PRKN: variants seen among roughly 807,000 people sequenced by gnomAD.
PRKN encodes parkin RBR E3 ubiquitin protein ligase, also known as E3 ubiquitin-protein ligase parkin.
In PRKN, 56 loss-of-function variants were observed where a neutral mutation model predicts 59.5. That is an observed-to-expected ratio of 0.94 (90% confidence interval 0.76 to 1.18). The LOEUF is 1.18. Among genes scored for constraint, PRKN ranks in the 50% most tolerant of loss-of-function variants. PRKN has a pLI of 0.00. For synonymous variants in PRKN, 250 were observed against 222.1 expected (o/e 1.13, Z -1.12); for missense variants, 657 against 596.4 (o/e 1.10, Z -1.06).
chr6:161,994,881 T>C (rs974229209), intron 5 of PRKN, among the ~76,000 whole-genome samples: 10 of 151,146 alleles, frequency 6.6e-5, no homozygotes, highest in African/African-American at 2.4e-4. Context: ...GACTGCTCAA[T>C]GCAATCCCTA....
At position 161,461,387 on chromosome 6, in the gene PRKN, G is replaced by C. The variant is rs1790215972; in HGVS notation, c.1084-74510C>G. ...AAGTAGATGGTCTTAAGGAGCTGAG[G>C]TTTTTAAGCTCTAGGGAATCACTTT... On this transcript the variant is annotated intron_variant, in intron 9 of 11. Coordinates refer to ENST00000366898, the MANE Select transcript of PRKN (RefSeq NM_004562.3). The surrounding 1 kb of genome is among the most constrained non-coding windows in gnomAD (Gnocchi z 5.1). 6.6e-6 allele frequency among the ~76,000 whole-genome samples: 1 copy of C among 152,150 alleles called. No individual in the cohort carries two copies. Among genetic ancestry groups the C allele is most frequent in the East Asian group, 1.9e-4 (1 of 5,186 alleles).
At chr6:161,813,067 G>T (rs1473730902) in intron 6 of PRKN, among the ~76,000 whole-genome samples, 1 of 152,196 alleles carries the variant, frequency 6.6e-6, no homozygotes, top group Non-Finnish European at 1.5e-5. Context: ...TTATTCAAAA[G>T]ATAAATCAGA....
At chr6:162,687,560 T>C (rs1203343037) in intron 1 of PRKN, among the ~76,000 whole-genome samples, 1 of 152,154 alleles carries the variant, frequency 6.6e-6, no homozygotes, top group Non-Finnish European at 1.5e-5. Flanking sequence ...TAAATGGCCA[T>C]GCTTCTTCTT....
At chr6:162,517,980 G>T (rs1777935345) in intron 1 of PRKN, among the ~76,000 whole-genome samples, 1 of 152,168 alleles carries the variant, frequency 6.6e-6, no homozygotes, top group African/African-American at 2.4e-5. Flanking sequence ...GATGCTATAA[G>T]TGAATACAAT....
At chr6:162,696,194 C>G (rs1276253350) in intron 1 of PRKN, among the ~76,000 whole-genome samples, 1 of 152,092 alleles carries the variant, frequency 6.6e-6, no homozygotes, top group African/African-American at 2.4e-5. Flanking sequence ...GCAATGATTT[C>G]TAAGTATCAT....
At chr6:161,759,419 CA>C (rs1219051924) in intron 7 of PRKN, among the ~76,000 whole-genome samples, 10 of 151,832 alleles carry the variant, frequency 6.6e-5, no homozygotes, top group African/African-American at 2.4e-5. Flanking sequence ...CAGAAAGTAC[CA>C]AAAAGCCATT....
At chr6:162,237,148 G>A (rs1375859446) in intron 3 of PRKN, among the ~76,000 whole-genome samples, 5 of 151,990 alleles carry the variant, frequency 3.3e-5, no homozygotes, top group Admixed American at 6.6e-5. Flanking sequence ...TGCTTTTTAC[G>A]AGGTTAGAAT....
rs569203018 is a variant in PRKN at position 162,034,322 on chromosome 6, T to C, written c.618+19769A>G. Among the ~76,000 whole-genome samples the C allele has an allele frequency of 1.8e-4, 27 of 152,184 alleles. No homozygotes were observed. In the South Asian group the frequency reaches 2.5e-3, roughly 14 times the overall value. ...TGGAAGATGCTATTATTATTCCCTA[T>C]GTTAAAAGTGCAGAAACTGTTTTCA... On this transcript the variant is annotated intron_variant, in intron 5 of 11. Transcript: ENST00000366898.
chr6:162,489,782 G>A lies in PRKN; in HGVS notation c.8-46309C>T, dbSNP rs549890728. On this transcript the variant is annotated intron_variant, in intron 1 of 11. Coordinates refer to ENST00000366898, the MANE Select transcript of PRKN (RefSeq NM_004562.3). ...ACAGTCCCTGAAGGATGTGCTGTCC[G>A]TGCACTCACAAACACCCCACTCTGG... Among the ~76,000 whole-genome samples, 10 of 152,186 alleles carry A rather than the reference G, an allele frequency of 6.6e-5. No homozygotes were observed. The South Asian group carries it at 1.0e-3, about 16-fold the overall frequency.
chr6:162,124,759 G>A (rs1479273665), intron 4 of PRKN, among the ~76,000 whole-genome samples: 3 of 152,160 alleles, frequency 2.0e-5, no homozygotes, highest in African/African-American at 7.2e-5. Context: ...CACTCTGAGG[G>A]AGTATAAGAC....
At chr6:162,414,726 A>AAAAAAAAAAAAAAAAAAGT (rs34838356) in intron 2 of PRKN, among the ~76,000 whole-genome samples, 6,153 of 90,638 alleles carry the variant, frequency 0.068, 1,273 homozygotes, top group Non-Finnish European at 0.088. Flanking sequence ...AAAAAAAAAA[A>AAAAAAAAAAAAAAAAAAGT]AGTGAATCTT....
intron 4 of PRKN, among the ~76,000 whole-genome samples, chr6:162,135,814 A>T (rs2128309194): frequency 6.6e-6 from 1 of 152,304 alleles, no homozygotes; most frequent in East Asian, 1.9e-4. Flanking sequence ...ATCATTTCTG[A>T]TCACAAAAGT....
At chr6:162,034,535 T>C (rs1562474516) in intron 5 of PRKN, among the ~76,000 whole-genome samples, 2 of 152,032 alleles carry the variant, frequency 1.3e-5, no homozygotes, top group Non-Finnish European at 2.9e-5. Context: ...GTTTCACTTA[T>C]AAAAATTACA....
At position 161,357,403 on chromosome 6, in the gene PRKN, C is replaced by G. The variant is rs1281154078; in HGVS notation, c.1285+2685G>C. Among the ~76,000 whole-genome samples, 4 of 152,134 alleles carry G rather than the reference C, an allele frequency of 2.6e-5. No homozygotes were observed. Among genetic ancestry groups the G allele is most frequent in the Admixed American group, 2.6e-4 (4 of 15,286 alleles). On this transcript the variant is annotated intron_variant, in intron 11 of 11. Coordinates refer to ENST00000366898, the MANE Select transcript of PRKN (RefSeq NM_004562.3). This position sits in a 1 kb window ranked among gnomAD's most constrained non-coding sequence, Gnocchi z 5.5. ...CTGCCACCACCAGAGTCTGGGCTACCGAGGAGGCCACTAAGGCATGGACCC... is the reference window on the plus strand; with the variant it reads ...CTGCCACCACCAGAGTCTGGGCTACGGAGGAGGCCACTAAGGCATGGACCC...
intron 1 of PRKN, among the ~76,000 whole-genome samples, chr6:162,631,894 T>C (rs886177814): frequency 2.0e-5 from 3 of 151,690 alleles, no homozygotes; most frequent in Admixed American, 1.3e-4. Flanking sequence ...TTCAGTCTTC[T>C]GCATACAGCC....
chr6:161,917,309 T>C (rs1778604740), intron 6 of PRKN, among the ~76,000 whole-genome samples: 1 of 152,158 alleles, frequency 6.6e-6, no homozygotes. Flanking sequence ...TTTTGCCATA[T>C]TGGCCAGGCT....
chr6:161,864,801 C>T (rs938611118), intron 6 of PRKN, among the ~76,000 whole-genome samples: 1 of 40,144 alleles, frequency 2.5e-5, no homozygotes, highest in East Asian at 3.4e-4. Flanking sequence ...GGATTACAGT[C>T]GCCCACCACA....
chr6:162,095,038 G>C (rs1000450305), intron 4 of PRKN, among the ~76,000 whole-genome samples: 3 of 152,136 alleles, frequency 2.0e-5, no homozygotes, highest in African/African-American at 7.2e-5. Context: ...TAGGTGGACA[G>C]ACTGACACTA....
At chr6:162,118,422 T>G (rs1375950486) in intron 4 of PRKN, among the ~76,000 whole-genome samples, 1 of 152,028 alleles carries the variant, frequency 6.6e-6, no homozygotes, top group Non-Finnish European at 1.5e-5. Context: ...AAAAAGAGTA[T>G]GATCACATTA....
Sources: gnomAD v4.1 joint callset for allele counts (sites outside exome capture counted in the v4.1 genomes callset) on GRCh38, gnomAD v4.1.1 for gene constraint, Gnocchi (gnomAD v3.1) non-coding constraint, MANE v1.5 for transcripts, NCBI Gene and HGNC (gene_info 2026-07-23, HGNC 2026-07-21) for gene names.